CDH13: variants seen among roughly 807,000 people sequenced by gnomAD.
The protein encoded by CDH13 is cadherin 13.
CDH13 carries 24 observed loss-of-function variants against 63.8 expected under a neutral mutation model. That is an observed-to-expected ratio of 0.38 (90% CI 0.27 to 0.53). CDH13 has a LOEUF of 0.53. Ranked by LOEUF, CDH13 falls within the 20% of genes least tolerant of loss-of-function variation. The pLI is 0.85. For synonymous variants in CDH13, 503 were observed against 355.3 expected, an observed-to-expected ratio of 1.42 and a Z score of -4.67; for missense variants, 1,049 against 903.1, an observed-to-expected ratio of 1.16 and a Z score of -2.07.
chr16:83,088,544 T>C, intron 3 of CDH13, among the ~76,000 whole-genome samples: 1 of 152,210 alleles, frequency 6.6e-6, no homozygotes, highest in East Asian at 1.9e-4. Context: ...TGATACAGCC[T>C]TGGGCAAGCT....
At chr16:82,811,338 G>C (rs571603268) in intron 1 of CDH13, among the ~76,000 whole-genome samples, 19 of 152,226 alleles carry the variant, frequency 1.2e-4, no homozygotes, top group African/African-American at 4.3e-4. Flanking sequence ...TCATAGCACT[G>C]TGTATATACT....
chr16:83,457,826 A>G (rs576489100), intron 6 of CDH13, among the ~76,000 whole-genome samples: 4 of 152,212 alleles, frequency 2.6e-5, no homozygotes, highest in East Asian at 3.9e-4. Flanking sequence ...TAGGAAAGAC[A>G]TTTGTCTCTC....
chr16:83,393,860 A>C (rs1290043203), intron 6 of CDH13, among the ~76,000 whole-genome samples: 1 of 152,162 alleles, frequency 6.6e-6, no homozygotes, highest in Non-Finnish European at 1.5e-5. Flanking sequence ...TACATTAGGC[A>C]ATGAGAACTG....
At position 83,418,286 on chromosome 16, in the gene CDH13, G is replaced by A. The variant is rs2071613082; in HGVS notation, c.782-68191G>A. Among the ~76,000 whole-genome samples, 6 of 152,192 alleles carry A rather than the reference G, an allele frequency of 3.9e-5. No homozygotes were observed. The South Asian group carries it at 1.2e-3, about 32-fold the overall frequency. On this transcript the variant is annotated intron_variant, in intron 6 of 13. Coordinates refer to ENST00000567109, the MANE Select transcript of CDH13 (RefSeq NM_001257.5). ...TGAAAAGCATTTAGCTCAGCAGCTG[G>A]CACTTGTCAGTACCCAGTAACTGTT...
rs148219431 is a variant in CDH13, at chr16:82,688,231, G to A, written c.45+61094G>A. Among the ~76,000 whole-genome samples the A allele has an allele frequency of 9.8e-4, 149 of 152,264 alleles. 1 individual carries two copies. The highest frequency in any genetic ancestry group is 3.4e-3 in the African/African-American group (140 of 41,546). On this transcript the variant is annotated intron_variant, in intron 1 of 13. Coordinates refer to ENST00000567109, the MANE Select transcript of CDH13 (RefSeq NM_001257.5). ...GCCTGGCAGCAACTGCTACTTCCAG[G>A]CTGTGTCTCGAATGCCCTGCTGGGC...
At chr16:83,160,876 T>A (rs74031413) in intron 4 of CDH13, among the ~76,000 whole-genome samples, 1 of 152,118 alleles carries the variant, frequency 6.6e-6, no homozygotes. Context: ...CAAGTGTTTG[T>A]CTGGGATGTT....
intron 2 of CDH13, among the ~76,000 whole-genome samples, chr16:82,985,058 G>C (rs1487080491): frequency 6.6e-6 from 1 of 152,140 alleles, no homozygotes; most frequent in African/African-American, 2.4e-5. Context: ...AACTTACTGA[G>C]ACTGAGAATG....
chr16:83,228,299 G>A (rs570907013), intron 5 of CDH13, among the ~76,000 whole-genome samples: 3 of 152,302 alleles, frequency 2.0e-5, no homozygotes, highest in South Asian at 2.1e-4. Context: ...GTCCCCACAC[G>A]TCCGCAGGGC....
chr16:83,162,890 C>T (rs991804532), intron 4 of CDH13, among the ~76,000 whole-genome samples: 2 of 152,118 alleles, frequency 1.3e-5, no homozygotes, highest in African/African-American at 4.8e-5. Flanking sequence ...ACTTGTAGAG[C>T]TAGCTTGGGC....
In CDH13 at chr16:83,649,522, T is replaced by C. The variant is rs187972800; in HGVS notation, c.1102-21268T>C. ...AATTGGAGAGTCATGAACATGTTTA[T>C]GGACCTGCAAGGAGAAATAAGTTGA... On this transcript the variant is annotated intron_variant, in intron 8 of 13. Transcript: ENST00000567109. Among the ~76,000 whole-genome samples the C allele has an allele frequency of 1.8e-3, 273 of 152,232 alleles. 1 individual carries two copies. Among genetic ancestry groups the C allele is most frequent in the African/African-American group, 6.3e-3 (262 of 41,530 alleles).
rs182544989 is a variant in CDH13 at position 83,548,137 on chromosome 16, G to A, written c.961-54317G>A. 2.1e-3 allele frequency among the ~76,000 whole-genome samples: 314 copies of A among 152,174 alleles called. 4 individuals are homozygous for A. The highest frequency in any genetic ancestry group is 0.011 in the South Asian group (53 of 4,810). On this transcript the variant is annotated intron_variant, in intron 7 of 13. Transcript: ENST00000567109. Reference sequence around the variant, plus strand: ...CTAGCCAAGAGCAGGTGTCCAGGTGGGAGAGAATGGTCACTTAAACCTAGT... The same window carrying A: ...CTAGCCAAGAGCAGGTGTCCAGGTGAGAGAGAATGGTCACTTAAACCTAGT...
intron 6 of CDH13, among the ~76,000 whole-genome samples, chr16:83,363,483 A>C (rs775778835): frequency 3.9e-5 from 6 of 152,244 alleles, no homozygotes; most frequent in Non-Finnish European, 5.9e-5. Flanking sequence ...TTAAGAGACC[A>C]CTAAATGAAG....
intron 4 of CDH13, among the ~76,000 whole-genome samples, chr16:83,158,464 C>T (rs1484581563): frequency 6.6e-6 from 1 of 152,232 alleles, no homozygotes; most frequent in African/African-American, 2.4e-5. Flanking sequence ...GGAGCCCAGG[C>T]TCACGTGTAC....
intron 3 of CDH13, among the ~76,000 whole-genome samples, chr16:83,115,924 T>C (rs1190167701): frequency 6.6e-6 from 1 of 152,252 alleles, no homozygotes; most frequent in Non-Finnish European, 1.5e-5. Context: ...TCTGTTTGAA[T>C]GTCAGCGTAT....
intron 1 of CDH13, among the ~76,000 whole-genome samples, chr16:82,673,003 T>TTC (rs1913464553): frequency 1.1e-5 from 1 of 87,640 alleles, no homozygotes; most frequent in African/African-American, 5.8e-5. Flanking sequence ...AGTTTTCTTT[T>TTC]TTTTTTTTTT....
At chr16:83,177,030 TC>T (rs1297107952) in intron 4 of CDH13, among the ~76,000 whole-genome samples, 1 of 152,154 alleles carries the variant, frequency 6.6e-6, no homozygotes, top group African/African-American at 2.4e-5. Flanking sequence ...ATGGAAATGT[TC>T]TCTATCTGCA....
intron 5 of CDH13, among the ~76,000 whole-genome samples, chr16:83,242,570 G>C (rs1340700569): frequency 6.6e-6 from 1 of 152,178 alleles, no homozygotes; most frequent in Non-Finnish European, 1.5e-5. Context: ...GGTCCAGGCA[G>C]AGTGAGCCAA....
intron 1 of CDH13, among the ~76,000 whole-genome samples, chr16:82,732,344 AAGTT>A: frequency 6.6e-6 from 1 of 152,328 alleles, no homozygotes; most frequent in Admixed American, 6.5e-5. Flanking sequence ...CTAATTCAGC[AAGTT>A]AGTTAAGTAA....
At chr16:83,528,353 C>T (rs372705318) in intron 7 of CDH13, among the ~76,000 whole-genome samples, 4 of 152,064 alleles carry the variant, frequency 2.6e-5, no homozygotes, top group South Asian at 2.1e-4. Flanking sequence ...AAAATGCAAA[C>T]GTGAAATTAT....
Sources: allele counts gnomAD v4.1 joint callset (sites outside exome capture counted in the v4.1 genomes callset), GRCh38; gene constraint gnomAD v4.1.1; transcripts MANE v1.5; gene names NCBI Gene and HGNC (gene_info 2026-07-23, HGNC 2026-07-21).